Variants in FBXW8 observed in about 807,000 individuals in gnomAD.
FBXW8 encodes F-box/WD repeat-containing protein 8.
A neutral mutation model predicts 65.3 loss-of-function variants in FBXW8; 57 were observed. The ratio of observed to expected loss-of-function variants is 0.87; its 90% CI spans 0.71 to 1.09. FBXW8 has a LOEUF of 1.09. Among genes scored for constraint, FBXW8 ranks in the 50% least tolerant of loss-of-function variants. The pLI is 0.00. For synonymous variants in FBXW8, 308 were observed against 330.2 expected, an observed-to-expected ratio of 0.93 and a Z score of 0.73; for missense variants, 777 against 814.8, an observed-to-expected ratio of 0.95 and a Z score of 0.57.
intron 2 of FBXW8, among the ~76,000 whole-genome samples, chr12:116,941,424 C>A (rs763945423): frequency 2.0e-5 from 3 of 152,176 alleles, no homozygotes; most frequent in Non-Finnish European, 4.4e-5. Context: ...GAATTCCATG[C>A]GAAGTGTCCA....
intron 2 of FBXW8, among the ~76,000 whole-genome samples, chr12:116,937,259 C>T (rs897684462): frequency 7.9e-5 from 12 of 152,222 alleles, no homozygotes; most frequent in East Asian, 1.9e-4. Context: ...ATGAGCTCTT[C>T]GTTGAGCTCT....
At chr12:117,012,763 C>T (rs1219961661) in intron 8 of FBXW8, among the ~76,000 whole-genome samples, 2 of 152,128 alleles carry the variant, frequency 1.3e-5, no homozygotes, top group Non-Finnish European at 2.9e-5. Context: ...AACCCTAGAA[C>T]CTTCCTATTT....
At chr12:116,927,906 A>G in intron 1 of FBXW8, 117 bp from the exon 2 acceptor site, 1 of 628,788 alleles carries the variant, frequency 1.6e-6, no homozygotes. Context: ...CCTGGGAAAC[A>G]GCCTCATCTA....
At chr12:117,004,738 G>A (rs1953635310) in intron 7 of FBXW8, among the ~76,000 whole-genome samples, 1 of 152,196 alleles carries the variant, frequency 6.6e-6, no homozygotes, top group South Asian at 2.1e-4. Flanking sequence ...CCCAACTGTA[G>A]GTTCTACTTC....
chr12:116,911,379 C>T (rs928437643), intron 1 of FBXW8, 24 bp downstream of exon 1: 5 of 1,254,626 alleles, frequency 4.0e-6, no homozygotes, highest in East Asian at 3.2e-5. Flanking sequence ...GCCTCCCCCC[C>T]GCCCATGCCT....
At chr12:117,012,224 C>G (rs142622799) in intron 8 of FBXW8, among the ~76,000 whole-genome samples, 121 of 145,770 alleles carry the variant, frequency 8.3e-4, no homozygotes, top group African/African-American at 3.0e-3. Flanking sequence ...TCAAAGGGCT[C>G]TCTGGTCAGT....
At chr12:116,935,541 C>G (rs1882094163) in intron 2 of FBXW8, among the ~76,000 whole-genome samples, 2 of 152,214 alleles carry the variant, frequency 1.3e-5, no homozygotes, top group Non-Finnish European at 2.9e-5. Flanking sequence ...CTTGTATGCT[C>G]AAGACCCAAG....
intron 5 of FBXW8, among the ~76,000 whole-genome samples, chr12:116,981,856 C>G (rs1023494456): frequency 1.3e-5 from 2 of 152,110 alleles, no homozygotes; most frequent in African/African-American, 4.8e-5. Context: ...TCAAGTGATA[C>G]GCCCACCGCA....
chr12:116,989,958 C>T (rs186954849), intron 7 of FBXW8, among the ~76,000 whole-genome samples: 79 of 152,328 alleles, frequency 5.2e-4, no homozygotes, highest in Admixed American at 8.5e-4. Flanking sequence ...TGAGAGCTCC[C>T]GACCTGTTAG....
chr12:116,918,375 C>T (rs1230364564), intron 1 of FBXW8, among the ~76,000 whole-genome samples: 1 of 152,178 alleles, frequency 6.6e-6, no homozygotes, highest in Non-Finnish European at 1.5e-5. Context: ...AGGCAACAAG[C>T]ACCCAACCCA....
At chr12:116,957,477 T>C (rs1485998336) in intron 4 of FBXW8, among the ~76,000 whole-genome samples, 2 of 152,238 alleles carry the variant, frequency 1.3e-5, no homozygotes, top group Non-Finnish European at 2.9e-5. Flanking sequence ...ACTGAAGCCC[T>C]CAAGGATCGT....
rs1316720786 is a variant in FBXW8, at chr12:117,024,734, G to T, written c.1541+414G>T. Among the ~76,000 whole-genome samples, 8 of 151,956 alleles carry T rather than the reference G, an allele frequency of 5.3e-5. No homozygotes were observed. In the East Asian group the frequency reaches 1.6e-3, roughly 30 times the overall value. ...GATGTGACACCCCACCTGCCCACAG[G>T]TGGAAGGCAGGGCTGGCCCAGCTGC... On this transcript the variant is annotated intron_variant, in intron 9 of 10. Coordinates refer to ENST00000652555, the MANE Select transcript of FBXW8 (RefSeq NM_153348.3).
chr12:116,981,613 CTT>C (rs58869433), intron 5 of FBXW8, among the ~76,000 whole-genome samples: 320 of 146,320 alleles, frequency 2.2e-3, no homozygotes, highest in Middle Eastern at 3.4e-3. Context: ...CTGTGAAGTT[CTT>C]TTTTTTTTTT....
chr12:116,985,467 G>A (rs1885612353), intron 6 of FBXW8, 65 bp downstream of exon 6: 17 of 1,481,674 alleles, frequency 1.1e-5, no homozygotes, highest in Non-Finnish European at 1.2e-5. Context: ...ATGTAAGCAC[G>A]TACTAATGGT....
At chr12:116,925,152 T>C (rs1881221764) in intron 1 of FBXW8, among the ~76,000 whole-genome samples, 1 of 152,156 alleles carries the variant, frequency 6.6e-6, no homozygotes, top group Non-Finnish European at 1.5e-5. Context: ...TTAGTGGGTT[T>C]TCCTTTCAGA....
chr12:116,938,591 A>G (rs978614001), intron 2 of FBXW8, among the ~76,000 whole-genome samples: 2 of 152,234 alleles, frequency 1.3e-5, no homozygotes, highest in African/African-American at 4.8e-5. Context: ...AAGGTCCGAC[A>G]TATTTGAGAC....
rs1003713564 is a variant in FBXW8 at position 117,010,504 on chromosome 12, C to T, written c.1367+54C>T. ...CAGCCCCATGGCTTCTGCCAAGGCC[C>T]GGCCCCCACTGCGCTGCTCACACTG... On this transcript the variant is annotated intron_variant, in intron 8 of 10. Transcript: ENST00000652555. 19 of 1,611,768 alleles carry T rather than the reference C, an allele frequency of 1.2e-5. No individual in the cohort carries two copies. The East Asian group carries it at 2.0e-4, about 17-fold the overall frequency.
intron 7 of FBXW8, among the ~76,000 whole-genome samples, chr12:116,997,413 A>G (rs767169102): frequency 6.6e-6 from 1 of 152,234 alleles, no homozygotes; most frequent in African/African-American, 2.4e-5. Flanking sequence ...TTGTGTCACC[A>G]CTGGAGACTG....
chr12:117,025,673 T>C (rs1269032504), intron 9 of FBXW8, among the ~76,000 whole-genome samples: 3 of 152,208 alleles, frequency 2.0e-5, no homozygotes, highest in African/African-American at 7.2e-5. Context: ...CTGTGCCTGT[T>C]GAGGGCGCCT....
Sources: allele counts gnomAD v4.1 joint callset (sites outside exome capture counted in the v4.1 genomes callset), GRCh38; gene constraint gnomAD v4.1.1; transcripts MANE v1.5; gene names NCBI Gene and HGNC (gene_info 2026-07-23, HGNC 2026-07-21).